Variants in SLC35F1 observed in about 807,000 individuals in gnomAD.
SLC35F1 encodes chromosome 6 open reading frame 169.
In SLC35F1, 14 loss-of-function variants were observed where a neutral mutation model predicts 48.7. That is an observed-to-expected ratio of 0.29 (90% CI 0.19 to 0.45). The LOEUF (loss-of-function observed/expected upper bound fraction) is 0.45, where lower values mean the gene tolerates loss of function less well. Ranked by LOEUF, SLC35F1 falls within the 20% of genes least tolerant of loss-of-function variation. The pLI is 1.00. For synonymous variants in SLC35F1, 190 were observed against 202.2 expected (o/e 0.94, Z 0.51); for missense variants, 404 against 500.0 (o/e 0.81, Z 1.83).
intron 1 of SLC35F1, among the ~76,000 whole-genome samples, chr6:118,034,794 G>A (rs1772103794): frequency 6.6e-6 from 1 of 151,966 alleles, no homozygotes; most frequent in Admixed American, 6.6e-5. Context: ...CTTTATTTCA[G>A]GGATTCATAG....
At chr6:118,051,509 A>T (rs544499391) in intron 1 of SLC35F1, among the ~76,000 whole-genome samples, 1 of 152,338 alleles carries the variant, frequency 6.6e-6, no homozygotes, top group South Asian at 2.1e-4. Context: ...AAAATACATT[A>T]ATCATAATTA....
intron 1 of SLC35F1, among the ~76,000 whole-genome samples, chr6:117,923,752 T>TGTGCACATATACAC (rs1210478441): frequency 1.8e-5 from 1 of 57,006 alleles, no homozygotes; most frequent in African/African-American, 4.9e-5. Flanking sequence ...TATATGTACA[T>TGTGCACATATACAC]ATATACATAT....
chr6:118,081,871 G>T (rs1484413106), intron 1 of SLC35F1, among the ~76,000 whole-genome samples: 1 of 152,098 alleles, frequency 6.6e-6, no homozygotes, highest in Non-Finnish European at 1.5e-5. Flanking sequence ...TTCACTGAGG[G>T]TGACTTGGCC....
At chr6:118,154,658 A>G (rs1261755515) in intron 2 of SLC35F1, 38 bp downstream of exon 2, 5 of 1,548,476 alleles carry the variant, frequency 3.2e-6, no homozygotes, top group Non-Finnish European at 4.4e-6. Context: ...AACTTTTACA[A>G]ACACCTAAAA....
At chr6:118,292,413 G>A (rs188375087) in intron 7 of SLC35F1, among the ~76,000 whole-genome samples, 97 of 152,304 alleles carry the variant, frequency 6.4e-4, no homozygotes, top group Non-Finnish European at 1.1e-3. Flanking sequence ...AGAGGAAGCA[G>A]GACACTGATG....
intron 7 of SLC35F1, among the ~76,000 whole-genome samples, chr6:118,288,543 G>A (rs1015718554): frequency 6.6e-6 from 1 of 152,182 alleles, no homozygotes; most frequent in Non-Finnish European, 1.5e-5. Context: ...TACCATAAGG[G>A]GTTGTGAAGA....
At chr6:118,262,151 G>A (rs1775720932) in intron 3 of SLC35F1, among the ~76,000 whole-genome samples, 1 of 152,092 alleles carries the variant, frequency 6.6e-6, no homozygotes, top group African/African-American at 2.4e-5. Context: ...CCGTGTTTGA[G>A]GGGGCTGCGC....
At chr6:118,140,371 T>C (rs1773867550) in intron 1 of SLC35F1, among the ~76,000 whole-genome samples, 1 of 152,206 alleles carries the variant, frequency 6.6e-6, no homozygotes, top group Admixed American at 6.5e-5. Flanking sequence ...CCTAGAGACG[T>C]TGTAGACTTC....
chr6:118,287,543 T>C (rs1397768258), intron 7 of SLC35F1, among the ~76,000 whole-genome samples: 2 of 152,172 alleles, frequency 1.3e-5, no homozygotes, highest in East Asian at 1.9e-4. Flanking sequence ...ACTGGGGTGC[T>C]TGATAAAAAT....
intron 3 of SLC35F1, among the ~76,000 whole-genome samples, chr6:118,245,847 T>G (rs1467874797): frequency 6.6e-6 from 1 of 152,174 alleles, no homozygotes. Context: ...CTGGTGCTTT[T>G]TTTTGGTTTG....
At chr6:117,917,186 C>T (rs1442365170) in intron 1 of SLC35F1, among the ~76,000 whole-genome samples, 1 of 151,904 alleles carries the variant, frequency 6.6e-6, no homozygotes, top group Non-Finnish European at 1.5e-5. Context: ...GAAAGTCATT[C>T]CAGGCAGAGA....
At chr6:117,939,075 ATC>A (rs1479694466) in intron 1 of SLC35F1, among the ~76,000 whole-genome samples, 1 of 145,434 alleles carries the variant, frequency 6.9e-6, no homozygotes, top group Non-Finnish European at 1.5e-5. Flanking sequence ...CAGTGGCGTG[ATC>A]ATGGCTCAAA....
At chr6:118,256,382 T>A (rs1271437003) in intron 3 of SLC35F1, among the ~76,000 whole-genome samples, 2 of 151,568 alleles carry the variant, frequency 1.3e-5, no homozygotes, top group African/African-American at 2.4e-5. Context: ...GAAGGGAGAG[T>A]GGGGAAATGT....
At chr6:118,252,586 A>G (rs1380384841) in intron 3 of SLC35F1, among the ~76,000 whole-genome samples, 1 of 152,088 alleles carries the variant, frequency 6.6e-6, no homozygotes, top group East Asian at 1.9e-4. Flanking sequence ...GGCTGAGTAT[A>G]TGTGTCTGGA....
At chr6:118,030,820 T>G (rs1188340330) in intron 1 of SLC35F1, among the ~76,000 whole-genome samples, 1 of 152,234 alleles carries the variant, frequency 6.6e-6, no homozygotes, top group Non-Finnish European at 1.5e-5. Flanking sequence ...TTTTAAGAAA[T>G]AGTCTATTAT....
chr6:118,083,203 G>A lies in SLC35F1; in HGVS notation c.174-71242G>A, dbSNP rs989593800. The stretch of plus-strand genomic sequence containing the variant: ...GTGTTTCTAATGGCCCATTGGGAAG[G>A]ATATGTGACTGAAATGGAAACTAAA... On this transcript the variant is annotated intron_variant, in intron 1 of 7. Coordinates refer to ENST00000360388, the MANE Select transcript of SLC35F1 (RefSeq NM_001029858.4). 1.6e-4 allele frequency among the ~76,000 whole-genome samples: 25 copies of A among 152,182 alleles called. 1 individual carries two copies.
chr6:118,267,266 A>G, intron 4 of SLC35F1, 112 bp downstream of exon 4: 1 of 1,239,572 alleles, frequency 8.1e-7, no homozygotes, highest in Non-Finnish European at 1.2e-6. Flanking sequence ...TGGATTTCCC[A>G]CTATCTGTGT....
intron 3 of SLC35F1, among the ~76,000 whole-genome samples, chr6:118,265,310 T>G (rs1364087234): frequency 1.3e-5 from 2 of 152,212 alleles, no homozygotes; most frequent in African/African-American, 4.8e-5. Context: ...TTAAAAATCT[T>G]TGTATATATT....
chr6:118,312,226 G>C (rs1776380187), intron 7 of SLC35F1, among the ~76,000 whole-genome samples: 1 of 152,198 alleles, frequency 6.6e-6, no homozygotes, highest in Admixed American at 6.5e-5. Context: ...TATGGGTGGA[G>C]TTTTGAAAGT....
Sources: gnomAD v4.1 joint callset for allele counts (sites outside exome capture counted in the v4.1 genomes callset) on GRCh38, gnomAD v4.1.1 for gene constraint, MANE v1.5 for transcripts, NCBI Gene and HGNC (gene_info 2026-07-23, HGNC 2026-07-21) for gene names.